EFCAB13: variants seen among roughly 807,000 people sequenced by gnomAD.
The protein encoded by EFCAB13 is EF-hand calcium binding domain 13, also known as EF-hand calcium-binding domain-containing protein 13.
In EFCAB13, 91 loss-of-function variants were observed where a neutral mutation model predicts 110.2. The ratio of observed to expected loss-of-function variants is 0.83; its 90% CI spans 0.70 to 0.98. The LOEUF is 0.98. Ranked by LOEUF, EFCAB13 falls within the 50% of genes least tolerant of loss-of-function variation. The pLI, the probability that EFCAB13 is intolerant of heterozygous loss-of-function variation, is 0.00. For synonymous variants in EFCAB13, 323 were observed against 369.9 expected (o/e 0.87, Z 1.45); for missense variants, 968 against 1,119.4 (o/e 0.86, Z 1.93).
chr17:47,361,304 C>A, intron 9 of EFCAB13, 74 bp from the exon 10 acceptor site: 1 of 1,399,672 alleles, frequency 7.1e-7, no homozygotes, highest in Non-Finnish European at 1.0e-6. Context: ...CCTTAGTAGG[C>A]TATTGACACA....
chr17:47,330,348 GT>G (rs2065312933), intron 4 of EFCAB13, among the ~76,000 whole-genome samples: 1 of 151,858 alleles, frequency 6.6e-6, no homozygotes, highest in African/African-American at 2.4e-5. Flanking sequence ...GGTACAAGTG[GT>G]TTTTGGTTAC....
intron 14 of EFCAB13, among the ~76,000 whole-genome samples, chr17:47,380,547 G>T (rs994851611): frequency 6.6e-6 from 1 of 152,200 alleles, no homozygotes; most frequent in African/African-American, 2.4e-5. Flanking sequence ...ACATACATGT[G>T]CATGTGTCTT....
intron 9 of EFCAB13, among the ~76,000 whole-genome samples, chr17:47,357,692 GGCGTGA>G (rs575923002): frequency 5.0e-4 from 76 of 152,232 alleles, no homozygotes; most frequent in Non-Finnish European, 9.1e-4. Flanking sequence ...TGGGATTACA[GGCGTGA>G]GCCACTGTGC....
At chr17:47,346,878 G>A (rs1386847185) in intron 8 of EFCAB13, among the ~76,000 whole-genome samples, 2 of 152,062 alleles carry the variant, frequency 1.3e-5, no homozygotes, top group African/African-American at 2.4e-5. Context: ...CCCATTTCAT[G>A]GAAATCTGGC....
At chr17:47,365,199 C>A (rs1321626662) in intron 10 of EFCAB13, among the ~76,000 whole-genome samples, 1 of 152,200 alleles carries the variant, frequency 6.6e-6, no homozygotes, top group East Asian at 1.9e-4. Flanking sequence ...AATATTGTAT[C>A]TTCAGTACCT....
intron 10 of EFCAB13, among the ~76,000 whole-genome samples, chr17:47,364,365 G>A (rs2065533853): frequency 6.6e-6 from 1 of 152,032 alleles, no homozygotes; most frequent in Admixed American, 6.6e-5. Flanking sequence ...CCAGACTGTA[G>A]TGCAGTGGTG....
intron 9 of EFCAB13, among the ~76,000 whole-genome samples, chr17:47,354,423 C>T (rs1027539623): frequency 2.0e-5 from 3 of 152,012 alleles, no homozygotes; most frequent in African/African-American, 7.2e-5. Flanking sequence ...TCCATTGTTT[C>T]TTTGTTGACT....
At chr17:47,343,509 C>T (rs1483864862) in intron 6 of EFCAB13, among the ~76,000 whole-genome samples, 1 of 152,120 alleles carries the variant, frequency 6.6e-6, no homozygotes, top group East Asian at 1.9e-4. Context: ...ATTTTGGTTC[C>T]GTATGGCATC....
intron 9 of EFCAB13, among the ~76,000 whole-genome samples, chr17:47,358,904 G>A (rs900774699): frequency 2.6e-5 from 4 of 152,206 alleles, no homozygotes; most frequent in African/African-American, 9.6e-5. Flanking sequence ...TCGGATAGCT[G>A]CAAGCCTTTG....
chr17:47,327,697 C>T (rs146257473), intron 3 of EFCAB13, among the ~76,000 whole-genome samples: 148 of 152,270 alleles, frequency 9.7e-4, no homozygotes, highest in African/African-American at 3.3e-3. Context: ...CCTCATGATC[C>T]GCCCACCTCG....
intron 20 of EFCAB13, among the ~76,000 whole-genome samples, chr17:47,405,333 A>T (rs913100873): frequency 6.6e-6 from 1 of 152,170 alleles, no homozygotes; most frequent in Non-Finnish European, 1.5e-5. Flanking sequence ...TTAGAAGTGG[A>T]CTTGCTGGGC....
intron 10 of EFCAB13, 21 bp from the exon 11 acceptor site, chr17:47,370,416 T>G: frequency 1.4e-6 from 2 of 1,470,738 alleles, no homozygotes; most frequent in Admixed American, 3.4e-5. Flanking sequence ...AAATACAGTA[T>G]TTGAACTTAT....
At position 47,351,319 on chromosome 17, in the gene EFCAB13, G is replaced by A. The variant is rs1467172881; in HGVS notation, c.661+3368G>A. Among the ~76,000 whole-genome samples the A allele has an allele frequency of 5.4e-4, 78 of 143,518 alleles. 1 individual carries two copies. The highest frequency in any genetic ancestry group is 2.3e-3 in the Admixed American group (32 of 13,778). The allele number at this position is 143,518 out of a possible 152,430, so 94.2% of individuals were successfully genotyped here. A position where few individuals can be genotyped will look rare whatever the true frequency, so the allele number is the denominator to read the frequency against. On this transcript the variant is annotated intron_variant, in intron 9 of 24. Transcript: ENST00000331493. ...TGTGTGTGTGTGCGCGCGCGCGCGC[G>A]CGCGCGCGCCACGTTTTCTTTATCC...
intron 22 of EFCAB13, among the ~76,000 whole-genome samples, chr17:47,414,094 G>A (rs1278257270): frequency 6.6e-6 from 1 of 152,082 alleles, no homozygotes; most frequent in African/African-American, 2.4e-5. Context: ...ATGTCATAGA[G>A]CATCTCTAGG....
At chr17:47,395,739 TA>T (rs1449157460) in intron 16 of EFCAB13, 94 bp from the exon 17 acceptor site, 3 of 1,113,972 alleles carry the variant, frequency 2.7e-6, no homozygotes, top group Admixed American at 2.8e-5. Context: ...TTTTAAACCA[TA>T]AAAACCTTAA....
At chr17:47,325,962 A>ATATATAT (rs2065283472) in intron 2 of EFCAB13, among the ~76,000 whole-genome samples, 1 of 107,106 alleles carries the variant, frequency 9.3e-6, no homozygotes, top group South Asian at 3.1e-4. Context: ...ATATATATAT[A>ATATATAT]GCATATATAT....
intron 23 of EFCAB13, among the ~76,000 whole-genome samples, chr17:47,421,629 A>AAAAAAAT (rs1349806954): frequency 0.021 from 1,873 of 89,400 alleles, 41 homozygotes; most frequent in African/African-American, 0.084. Flanking sequence ...AGCAATAAAA[A>AAAAAAAT]AAAGAAAGAA....
chr17:47,431,431 C>G lies in EFCAB13; in HGVS notation c.2638+1470C>G, dbSNP rs2143520344. 6.6e-6 allele frequency among the ~76,000 whole-genome samples: 1 copy of G among 151,738 alleles called. No individual in the cohort carries two copies. The highest frequency in any genetic ancestry group is 1.9e-4 in the East Asian group (1 of 5,180). ...TACATACCTCACAGCAAATTTTCCT[C>G]AAAGTACTCATTTAACTACATCCTA... On this transcript the variant is annotated intron_variant, in intron 24 of 24. Coordinates refer to ENST00000331493, the MANE Select transcript of EFCAB13 (RefSeq NM_152347.5). This position sits in a 1 kb window ranked among gnomAD's most constrained non-coding sequence, Gnocchi z 4.1.
Position 47,395,858 on chromosome 17 carries a change from T to G in EFCAB13, c.1826T>G (p.Leu609Arg). ...KLVLPDAIET[L>R]DDLRKETMSV... is the part of the protein sequence containing the mutation. Reference sequence around the variant, plus strand: ...GTATTGCCTGATGCTATTGAAACCCTCGACGATCTCAGAAAGGAGACGATG... The same window carrying G: ...GTATTGCCTGATGCTATTGAAACCCGCGACGATCTCAGAAAGGAGACGATG... The change falls in exon 17 of 25, where the codon CTC becomes CGC. Residue 609 changes from leucine to arginine, a missense_variant. By Grantham distance (102) the Leu-to-Arg change is moderately radical. Transcript: ENST00000331493. The G allele has an allele frequency of 6.2e-7, 1 of 1,609,294 alleles. No homozygotes were observed. The highest frequency in any genetic ancestry group is 8.5e-7 in the Non-Finnish European group (1 of 1,176,898).
Sources: gnomAD v4.1 joint callset for allele counts (sites outside exome capture counted in the v4.1 genomes callset) on GRCh38, gnomAD v4.1.1 for gene constraint, Gnocchi (gnomAD v3.1) non-coding constraint, MANE v1.5 for transcripts, NCBI Gene and HGNC (gene_info 2026-07-23, HGNC 2026-07-21) for gene names.